The following KIAA0232 variants were observed in gnomAD, a reference collection of about 807,000 sequenced individuals.
KIAA0232 encodes the protein KIAA0232.
KIAA0232 carries 27 observed loss-of-function variants against 122.0 expected under a neutral mutation model. That is an observed-to-expected ratio of 0.22 (90% confidence interval 0.16 to 0.31). KIAA0232 has a LOEUF of 0.31. KIAA0232 is among the 10% of genes least tolerant of loss of function. KIAA0232 has a pLI of 1.00. For missense variants in KIAA0232, 1,551 were observed against 1,634.2 expected (o/e 0.95, Z 0.88); for synonymous variants, 613 against 587.6 (o/e 1.04, Z -0.63).
At chr4:6,834,201 T>C (rs1719143625) in intron 3 of KIAA0232, among the ~76,000 whole-genome samples, 1 of 152,192 alleles carries the variant, frequency 6.6e-6, no homozygotes, top group Admixed American at 6.5e-5. Flanking sequence ...GGTCCTCCTG[T>C]CTCAGCCTTC....
Position 6,861,974 on chromosome 4 carries a change from G to T in KIAA0232, c.1592G>T (p.Ser531Ile). 6.2e-7 allele frequency: 1 copy of T among 1,614,150 alleles called. No individual in the cohort carries two copies. The highest frequency in any genetic ancestry group is 8.5e-7 in the Non-Finnish European group (1 of 1,180,008). Reference sequence around the variant, plus strand: ...GCCTCAGAAACAATGCAAGGAGAAAGTCGGATTTTGAATATGATTCGACAG... The same window carrying T: ...GCCTCAGAAACAATGCAAGGAGAAATTCGGATTTTGAATATGATTCGACAG... Reference protein sequence around the residue: ...PGASETMQGESRILNMIRQKS... With the variant: ...PGASETMQGEIRILNMIRQKS... The change falls in exon 7 of 10, where the codon AGT (serine) becomes ATT (isoleucine). Residue 531 changes from serine to isoleucine, a missense_variant. By Grantham distance (142) the Ser-to-Ile change is moderately radical. Transcript: ENST00000307659.
chr4:6,857,312 C>T, intron 5 of KIAA0232, 82 bp downstream of exon 5: 1 of 1,252,840 alleles, frequency 8.0e-7, no homozygotes, highest in Non-Finnish European at 1.1e-6. Flanking sequence ...TAGAATTGAT[C>T]AGAAAAGAAA....
At chr4:6,799,099 C>T (rs966171879) in intron 1 of KIAA0232, among the ~76,000 whole-genome samples, 3 of 152,022 alleles carry the variant, frequency 2.0e-5, no homozygotes, top group African/African-American at 7.3e-5. Flanking sequence ...TTGGTCCATG[C>T]CCTACTCTTA....
intron 4 of KIAA0232, among the ~76,000 whole-genome samples, chr4:6,843,927 CTTT>C (rs373793407): frequency 9.1e-4 from 42 of 46,334 alleles, no homozygotes; most frequent in African/African-American, 2.7e-3. Flanking sequence ...AGTTACCCAT[CTTT>C]TTTTTTTTTT....
rs780512122 is a variant in KIAA0232, at chr4:6,863,560, C to T, written c.3178C>T (p.Pro1060Ser). The change falls in exon 7 of 10, where the codon CCT (proline) becomes TCT (serine). Residue 1060 changes from proline to serine, a missense_variant. By Grantham distance (74) the Pro-to-Ser change is moderately conservative (BLOSUM62 -1). This residue lies in a region of KIAA0232 where 1,108 missense variants were observed against 1,154.8 expected (regional missense o/e 0.96). Transcript: ENST00000307659. ...TCTTCATGTAGAATGCTCATTTGAA[C>T]CTGAAGGGATTGCATCTTTCAGCCC... ...QVLHVECSFE[P>S]EGIASFSPSF... 3.1e-6 allele frequency: 5 copies of T among 1,614,156 alleles called. No homozygotes were observed. Among genetic ancestry groups the T allele is most frequent in the Non-Finnish European group, 4.2e-6 (5 of 1,180,022 alleles).
intron 2 of KIAA0232, among the ~76,000 whole-genome samples, chr4:6,813,611 C>G (rs1717979738): frequency 6.6e-6 from 1 of 152,132 alleles, no homozygotes; most frequent in Non-Finnish European, 1.5e-5. Flanking sequence ...ATCCGCCCGC[C>G]TCGGCCTCCC....
intron 1 of KIAA0232, among the ~76,000 whole-genome samples, chr4:6,785,288 G>A (rs1716568369): frequency 1.3e-5 from 2 of 152,204 alleles, no homozygotes; most frequent in African/African-American, 4.8e-5. Context: ...AATGTAGCTA[G>A]CCTACTCTGT....
At chr4:6,795,849 C>T (rs1000002594) in intron 1 of KIAA0232, among the ~76,000 whole-genome samples, 7 of 152,158 alleles carry the variant, frequency 4.6e-5, no homozygotes, top group African/African-American at 7.2e-5. Context: ...CCTTGGCCTC[C>T]GCAAGTGCTG....
chr4:6,784,449 G>A (rs998856662), intron 1 of KIAA0232, among the ~76,000 whole-genome samples: 1 of 152,078 alleles, frequency 6.6e-6, no homozygotes. Context: ...GGGGGAGGAG[G>A]AGCGGATTCT....
chr4:6,834,394 T>C (rs1199639328), intron 3 of KIAA0232, among the ~76,000 whole-genome samples: 1 of 152,236 alleles, frequency 6.6e-6, no homozygotes. Flanking sequence ...TCAGTAAATA[T>C]TGACAACTAT....
intron 1 of KIAA0232, among the ~76,000 whole-genome samples, chr4:6,796,161 G>A (rs564811470): frequency 6.6e-6 from 1 of 152,316 alleles, no homozygotes; most frequent in Non-Finnish European, 1.5e-5. Context: ...TATGTAATAT[G>A]TGGAATTGGT....
chr4:6,806,781 A>T (rs1050877184), intron 2 of KIAA0232, among the ~76,000 whole-genome samples: 1 of 151,354 alleles, frequency 6.6e-6, no homozygotes, highest in African/African-American at 2.4e-5. Context: ...AACAATAAGA[A>T]CATACAGGCT....
rs900938958 is a variant in KIAA0232 at position 6,881,822 on chromosome 4, G to T, written c.*856G>T. ...ACTTTCTGGTGACCTATGTTGAATT[G>T]AAACCCCCAAAACTTGAAATTGTGA... is the stretch of plus-strand genomic sequence containing the variant. On this transcript the variant is annotated 3_prime_UTR_variant, in exon 10 of 10. Coordinates refer to ENST00000307659, the MANE Select transcript of KIAA0232 (RefSeq NM_014743.3). 3 of 152,612 alleles carry T rather than the reference G, an allele frequency of 2.0e-5. No homozygotes were observed. The highest frequency in any genetic ancestry group is 4.8e-5 in the African/African-American group (2 of 41,426). 9.5% of individuals were successfully genotyped at this position (152,612 alleles called of 1,614,324 possible). A position where few individuals can be genotyped will look rare whatever the true frequency, so the allele number is the denominator to read the frequency against.
chr4:6,843,574 GC>G (rs1719779057), intron 4 of KIAA0232, among the ~76,000 whole-genome samples: 2 of 152,168 alleles, frequency 1.3e-5, no homozygotes, highest in Admixed American at 1.3e-4. Context: ...TTCGAGACCA[GC>G]CTGGTCCAAC....
chr4:6,804,128 A>G (rs1027447293), intron 1 of KIAA0232, among the ~76,000 whole-genome samples: 7 of 152,240 alleles, frequency 4.6e-5, no homozygotes, highest in Admixed American at 6.5e-5. Flanking sequence ...GGAATTCTCA[A>G]TGTGTTTCCC....
At chr4:6,878,439 T>C (rs1721873869) in intron 9 of KIAA0232, among the ~76,000 whole-genome samples, 1 of 147,348 alleles carries the variant, frequency 6.8e-6, no homozygotes, top group Non-Finnish European at 1.5e-5. Flanking sequence ...ATAAATCTTG[T>C]GTCACATGAT....
chr4:6,869,968 TA>T (rs1170554637), intron 7 of KIAA0232, among the ~76,000 whole-genome samples: 2 of 152,150 alleles, frequency 1.3e-5, no homozygotes, highest in African/African-American at 4.8e-5. Context: ...AACACAGTAT[TA>T]GGGGATGTGG....
intron 2 of KIAA0232, among the ~76,000 whole-genome samples, chr4:6,813,047 T>G (rs1454001346): frequency 6.6e-6 from 1 of 152,200 alleles, no homozygotes; most frequent in Middle Eastern, 3.2e-3. Flanking sequence ...ATAGTATGTC[T>G]CTTATAGCTT....
At position 6,882,798 on chromosome 4, in the gene KIAA0232, A is replaced by C. The variant is rs564228679; in HGVS notation, c.*1832A>C. The C allele has an allele frequency of 6.5e-6, 1 of 152,838 alleles. No individual in the cohort carries two copies. Among genetic ancestry groups the C allele is most frequent in the South Asian group, 2.1e-4 (1 of 4,834 alleles). The allele number at this position is 152,838 out of a possible 1,614,324, so 9.5% of individuals were successfully genotyped here. ...AAATATAATTTAACAGCAAAAGTAA[A>C]AAAGGATTGAAAGTTGTAAATTCCT... is the stretch of plus-strand genomic sequence containing the variant. On this transcript the variant is annotated 3_prime_UTR_variant, in exon 10 of 10. Transcript: ENST00000307659.
Sources: allele counts gnomAD v4.1 joint callset (sites outside exome capture counted in the v4.1 genomes callset), GRCh38; gene constraint gnomAD v4.1.1; regional missense constraint gnomAD v4.1.1; transcripts MANE v1.5; gene names NCBI Gene and HGNC (gene_info 2026-07-23, HGNC 2026-07-21).